The following MRO variants were observed in gnomAD, a reference collection of about 807,000 sequenced individuals.
The protein encoded by MRO is maestro.
A neutral mutation model predicts 31.0 loss-of-function variants in MRO; 28 were observed. That is an observed-to-expected ratio of 0.90 (90% CI 0.67 to 1.24). The LOEUF is 1.24. MRO is among the 50% of genes most tolerant of loss of function. The probability of loss-of-function intolerance (pLI) is 0.00; values close to 1 mark genes in which losing one functional copy is unlikely to be tolerated. For missense variants in MRO, 332 were observed against 289.2 expected (o/e 1.15, Z -1.07); for synonymous variants, 108 against 108.4 (o/e 1.00, Z 0.02).
At chr18:50,806,181 C>T (rs879469868) in intron 4 of MRO, among the ~76,000 whole-genome samples, 11 of 152,136 alleles carry the variant, frequency 7.2e-5, no homozygotes, top group East Asian at 1.9e-4. Flanking sequence ...GTGGTCCACC[C>T]GCCTTGGCCT....
In MRO at chr18:50,819,713, A is replaced by G; in HGVS notation, c.-126-11T>C. On this transcript the variant is annotated splice_polypyrimidine_tract_variant and intron_variant, in intron 1 of 7. Transcript: ENST00000398439. Reference sequence around the variant, plus strand: ...CCCAGCCCTGAATTCCTAACATACAAGAAGGGAAATTAGGAGGTGACGCAG... The same window carrying G: ...CCCAGCCCTGAATTCCTAACATACAGGAAGGGAAATTAGGAGGTGACGCAG... The G allele has an allele frequency of 6.5e-7, 1 of 1,548,958 alleles. No homozygotes were observed. Among genetic ancestry groups the G allele is most frequent in the Non-Finnish European group, 8.7e-7 (1 of 1,145,100 alleles).
intron 2 of MRO, among the ~76,000 whole-genome samples, chr18:50,813,304 A>C (rs1047361457): frequency 6.6e-6 from 1 of 152,194 alleles, no homozygotes; most frequent in Admixed American, 6.5e-5. Flanking sequence ...ACCAAAATAA[A>C]ACCCCAGAAA....
At chr18:50,809,913 T>C (rs1043701460) in intron 2 of MRO, among the ~76,000 whole-genome samples, 2 of 152,230 alleles carry the variant, frequency 1.3e-5, no homozygotes, top group Non-Finnish European at 2.9e-5. Context: ...ATAGCCACCA[T>C]AGCACTGTAA....
At position 50,819,696 on chromosome 18, in the gene MRO, T is replaced by C. The variant is rs1472100071; in HGVS notation, c.-120A>G. 20 of 1,550,462 alleles carry C rather than the reference T, an allele frequency of 1.3e-5. No homozygotes were observed. In the East Asian group the frequency reaches 2.9e-4, roughly 23 times the overall value. ...TGACTCGGCTAAATTTTCCCAGCCCTGAATTCCTAACATACAAGAAGGGAA... is the reference window on the plus strand; with the variant it reads ...TGACTCGGCTAAATTTTCCCAGCCCCGAATTCCTAACATACAAGAAGGGAA... On this transcript the variant is annotated 5_prime_UTR_variant, in exon 2 of 8. Coordinates refer to ENST00000398439, the MANE Select transcript of MRO (RefSeq NM_031939.6).
intron 5 of MRO, among the ~76,000 whole-genome samples, chr18:50,804,589 G>T (rs1434662759): frequency 9.2e-5 from 14 of 151,966 alleles, no homozygotes. Context: ...TCACACCATT[G>T]CACTCCAGCC....
Position 50,806,767 on chromosome 18 carries a change from A to T in MRO, c.183T>A (p.Ser61Arg), listed in dbSNP as rs1446787504. ...FILAERARDPSAKKRHMAMRN... is the reference protein window; with the variant it reads ...FILAERARDPRAKKRHMAMRN... ...TCATTGCCATGTGACGCTTTTTAGC[A>T]CTGGGGTCCCGAGCTCTTTCTGCCA... The change falls in exon 4 of 8, where the codon AGT becomes AGA. Residue 61 changes from serine to arginine, a missense_variant. Coordinates refer to ENST00000398439, the MANE Select transcript of MRO (RefSeq NM_031939.6). 6.2e-7 allele frequency: 1 copy of T among 1,614,008 alleles called. No individual in the cohort carries two copies. The highest frequency in any genetic ancestry group is 8.5e-7 in the Non-Finnish European group (1 of 1,180,042).
intron 3 of MRO, among the ~76,000 whole-genome samples, chr18:50,807,292 A>G (rs943242732): frequency 2.0e-5 from 3 of 152,232 alleles, no homozygotes; most frequent in Admixed American, 2.0e-4. Flanking sequence ...AAATGCCTTG[A>G]AAGACATCTA....
At position 50,805,245 on chromosome 18, in the gene MRO, G is replaced by A; in HGVS notation, c.338C>T (p.Thr113Ile). Residue 113 changes from threonine to isoleucine, a missense_variant, in exon 5 of 8, where the codon ACT becomes ATT. By Grantham distance (89) the Thr-to-Ile change is moderately conservative. Coordinates refer to ENST00000398439, the MANE Select transcript of MRO (RefSeq NM_031939.6). ...GATCTTGCCCAGAACGACGGTCAGA[G>A]TCTTCATACTCTCATGGATGACTTC... ...NLEVIHESMK[T>I]LTVVLGKIQG... The A allele has an allele frequency of 1.9e-6, 3 of 1,612,536 alleles. No individual in the cohort carries two copies. The highest frequency in any genetic ancestry group is 1.6e-4 in the Middle Eastern group (1 of 6,062).
intron 2 of MRO, among the ~76,000 whole-genome samples, chr18:50,814,149 G>A (rs1473333061): frequency 2.0e-5 from 3 of 152,154 alleles, no homozygotes; most frequent in East Asian, 3.9e-4. Flanking sequence ...AATGGGTACA[G>A]GGAGACTAAA....
At chr18:50,817,740 G>A (rs993834808) in intron 2 of MRO, among the ~76,000 whole-genome samples, 1 of 152,092 alleles carries the variant, frequency 6.6e-6, no homozygotes, top group Non-Finnish European at 1.5e-5. Flanking sequence ...ATGAGAAAGA[G>A]AAAGAGGTCA....
Position 50,800,159 on chromosome 18 carries a change from T to G in MRO, c.586-16A>C. On this transcript the variant is annotated splice_polypyrimidine_tract_variant and intron_variant, in intron 6 of 7. Transcript: ENST00000398439. ...TTTTGCAAGCCTGAGAAAAATAATA[T>G]TACTATTTTATTTATTAGAGAGTTC... The G allele has an allele frequency of 6.5e-7, 1 of 1,534,614 alleles. No homozygotes were observed. Among genetic ancestry groups the G allele is most frequent in the Non-Finnish European group, 9.0e-7 (1 of 1,112,462 alleles).
intron 7 of MRO, 43 bp downstream of exon 7, chr18:50,799,993 G>T: frequency 7.1e-7 from 1 of 1,403,446 alleles, no homozygotes; most frequent in South Asian, 1.2e-5. Context: ...CACCAGGAGG[G>T]CAGGGACCGG....
intron 6 of MRO, among the ~76,000 whole-genome samples, chr18:50,800,480 G>T (rs1355508252): frequency 6.6e-6 from 1 of 152,210 alleles, no homozygotes; most frequent in Non-Finnish European, 1.5e-5. Context: ...GCTCCCAATT[G>T]TTTTGAAACG....
chr18:50,811,874 T>A (rs1914506994), intron 2 of MRO, among the ~76,000 whole-genome samples: 2 of 150,780 alleles, frequency 1.3e-5, no homozygotes, highest in African/African-American at 4.9e-5. Flanking sequence ...CCTGAGTTGC[T>A]GGGATTACAG....
At chr18:50,814,340 G>C (rs575609460) in intron 2 of MRO, 1 of 152,032 alleles carries the variant, frequency 6.6e-6, no homozygotes, top group East Asian at 1.9e-4. Flanking sequence ...AGCCCGACTC[G>C]GGCCATCACC....
At chr18:50,802,390 T>C (rs2847537) in intron 5 of MRO, among the ~76,000 whole-genome samples, 118,047 of 152,158 alleles carry the variant, frequency 0.78, 50,088 homozygotes, top group Non-Finnish European at 0.94. Context: ...GTCCAAGTAT[T>C]ACATTTCCAG....
chr18:50,797,539 C>T lies in MRO; in HGVS notation c.*1798G>A, dbSNP rs1912888769. 1 of 152,238 alleles carries T rather than the reference C, an allele frequency of 6.6e-6. No homozygotes were observed. The highest frequency in any genetic ancestry group is 2.4e-5 in the African/African-American group (1 of 41,450). 9.4% of individuals were successfully genotyped at this position (152,238 alleles called of 1,614,324 possible). The stretch of plus-strand genomic sequence containing the variant: ...TGAATCTTAAAGTCAAATAATCCAA[C>T]CGCATCTTCCACAATTTTAACCGAC... On this transcript the variant is annotated 3_prime_UTR_variant, in exon 8 of 8. Coordinates refer to ENST00000398439, the MANE Select transcript of MRO (RefSeq NM_031939.6).
Position 50,800,143 on chromosome 18 carries a change from C to G in MRO, c.586G>C (p.Ala196Pro), listed in dbSNP as rs1191169024. The change falls in exon 7 of 8, where the codon GCT (alanine) becomes CCT (proline). Residue 196 changes from alanine (A) to proline (P), a missense_variant and splice_region_variant. Ala to Pro is a conservative substitution (Grantham distance 27). Transcript: ENST00000398439. ...LQDRNPQVAK[A>P]CKTTFQACSP... ...CAGGCTTGAAATGTTGTTTTGCAAG[C>G]CTGAGAAAAATAATATTACTATTTT... 1 of 1,596,782 alleles carries G rather than the reference C, an allele frequency of 6.3e-7. No homozygotes were observed. Among genetic ancestry groups the G allele is most frequent in the Non-Finnish European group, 8.6e-7 (1 of 1,166,864 alleles).
At chr18:50,817,990 T>G (rs966955735) in intron 2 of MRO, among the ~76,000 whole-genome samples, 1 of 111,022 alleles carries the variant, frequency 9.0e-6, no homozygotes, top group African/African-American at 3.6e-5. Context: ...CTTAAAGAAC[T>G]CCCACCCCCC....
Sources: allele counts gnomAD v4.1 joint callset (sites outside exome capture counted in the v4.1 genomes callset), GRCh38; gene constraint gnomAD v4.1.1; transcripts MANE v1.5; gene names NCBI Gene and HGNC (gene_info 2026-07-23, HGNC 2026-07-21).